The following SLC38A2 variants were observed in gnomAD, a reference collection of about 807,000 sequenced individuals.
The protein encoded by SLC38A2 is sodium-coupled neutral amino acid symporter 2.
In SLC38A2, 11 loss-of-function variants were observed where a neutral mutation model predicts 61.5. That is an observed-to-expected ratio of 0.18 (90% CI 0.11 to 0.30). The LOEUF (loss-of-function observed/expected upper bound fraction) is 0.30, where lower values mean the gene tolerates loss of function less well. SLC38A2 is among the 10% of genes least tolerant of loss of function. SLC38A2 has a pLI of 1.00. For synonymous variants in SLC38A2, 217 were observed against 212.5 expected (o/e 1.02, Z -0.18); for missense variants, 522 against 600.4 (o/e 0.87, Z 1.36).
At chr12:46,367,794 A>G (rs554954497) in intron 4 of SLC38A2, among the ~76,000 whole-genome samples, 5 of 152,336 alleles carry the variant, frequency 3.3e-5, no homozygotes, top group Non-Finnish European at 5.9e-5. Context: ...CAACTGAGAC[A>G]CGTTCAGGAA....
chr12:46,360,833 AAG>A lies in SLC38A2; in HGVS notation c.*276_*277del, dbSNP rs1243506665. On this transcript the variant is annotated 3_prime_UTR_variant, in exon 16 of 16. Coordinates refer to ENST00000256689, the MANE Select transcript of SLC38A2 (RefSeq NM_018976.5). ...CCAAGCATGTGGCTTGATAAAAGTT[AAG>A]AGTTTGTCCATTCTCTGGAATGGAA... is the stretch of plus-strand genomic sequence containing the variant. 8 of 365,500 alleles carry A rather than the reference AAG, an allele frequency of 2.2e-5. No individual in the cohort carries two copies. Among genetic ancestry groups the A allele is most frequent in the Non-Finnish European group, 3.9e-5 (8 of 203,606 alleles). 22.6% of individuals were successfully genotyped at this position (365,500 alleles called of 1,614,324 possible). A position where few individuals can be genotyped will look rare whatever the true frequency, so the allele number is the denominator to read the frequency against.
At position 46,372,652 on chromosome 12, in the gene SLC38A2, C is replaced by T. The variant is rs943519509; in HGVS notation, c.-230G>A. 14 of 398,520 alleles carry T rather than the reference C, an allele frequency of 3.5e-5. No individual in the cohort carries two copies. Among genetic ancestry groups the T allele is most frequent in the Middle Eastern group, 6.3e-4 (1 of 1,588 alleles). The allele number at this position is 398,520 out of a possible 1,614,324, so 24.7% of individuals were successfully genotyped here. On this transcript the variant is annotated 5_prime_UTR_variant, in exon 1 of 16. Transcript: ENST00000256689. ...TAATAAAAAAGGAAAAGACAAATTG[C>T]CGCCCCAATCCTCCGGCGTCCGCCG...
At chr12:46,363,449 G>C (rs2120533653) in intron 12 of SLC38A2, among the ~76,000 whole-genome samples, 1 of 152,156 alleles carries the variant, frequency 6.6e-6, no homozygotes, top group South Asian at 2.1e-4. Flanking sequence ...GGTGATGGGA[G>C]AGGAGACAGG....
rs367827855 is a variant in SLC38A2 at position 46,364,344 on chromosome 12, T to C, written c.873+45A>G. 4.9e-4 allele frequency: 737 copies of C among 1,517,122 alleles called. 5 individuals are homozygous for C. In the South Asian group the frequency reaches 9.5e-3, roughly 19 times the overall value. 94.0% of individuals were successfully genotyped at this position (1,517,122 alleles called of 1,614,324 possible). ...CTGGGAGTGAATAGCTTCCCTCTTT[T>C]CTTCCCTAAACTCTTCTTTTGAGAA... On this transcript the variant is annotated intron_variant, in intron 10 of 15. Coordinates refer to ENST00000256689, the MANE Select transcript of SLC38A2 (RefSeq NM_018976.5).
At chr12:46,361,646 G>A (rs1943082902) in intron 15 of SLC38A2, among the ~76,000 whole-genome samples, 1 of 152,230 alleles carries the variant, frequency 6.6e-6, no homozygotes, top group Non-Finnish European at 1.5e-5. Context: ...ATGTAATTTA[G>A]AGTAAAACAA....
At chr12:46,368,819 T>C (rs946398471) in intron 4 of SLC38A2, among the ~76,000 whole-genome samples, 1 of 152,228 alleles carries the variant, frequency 6.6e-6, no homozygotes, top group Admixed American at 6.5e-5. Context: ...CCATGTCTTA[T>C]ACTGAAATGA....
In SLC38A2 at chr12:46,361,076, T is replaced by A; in HGVS notation, c.*35A>T. ...TAGTTGAGTTTACTCAACACTGGCA[T>A]CAGATGGACTGAGTTTGAGTTTGAG... On this transcript the variant is annotated 3_prime_UTR_variant, in exon 16 of 16. Coordinates refer to ENST00000256689, the MANE Select transcript of SLC38A2 (RefSeq NM_018976.5). The A allele has an allele frequency of 6.6e-7, 1 of 1,516,544 alleles. No individual in the cohort carries two copies. Among genetic ancestry groups the A allele is most frequent in the Middle Eastern group, 1.7e-4 (1 of 5,864 alleles). The allele number at this position is 1,516,544 out of a possible 1,614,324, so 93.9% of individuals were successfully genotyped here.
Position 46,366,964 on chromosome 12 carries a change from A to G in SLC38A2, c.482-19T>C, listed in dbSNP as rs1165195313. 1.2e-5 allele frequency: 19 copies of G among 1,611,016 alleles called. No homozygotes were observed. Among genetic ancestry groups the G allele is most frequent in the Non-Finnish European group, 1.6e-5 (19 of 1,178,264 alleles). The stretch of plus-strand genomic sequence containing the variant: ...GACATAGCTGGAGGAAAACAAAATT[A>G]TACCATTACAAGTGCAAAACGCGGC... On this transcript the variant is annotated intron_variant, in intron 6 of 15. Coordinates refer to ENST00000256689, the MANE Select transcript of SLC38A2 (RefSeq NM_018976.5).
At chr12:46,371,933 C>G (rs1265431432) in intron 1 of SLC38A2, among the ~76,000 whole-genome samples, 1 of 152,188 alleles carries the variant, frequency 6.6e-6, no homozygotes, top group Non-Finnish European at 1.5e-5. Context: ...AACGCCCGGG[C>G]CCCGGGAGCT....
intron 3 of SLC38A2, 37 bp downstream of exon 3, chr12:46,370,739 A>C: frequency 6.4e-7 from 1 of 1,562,306 alleles, no homozygotes; most frequent in South Asian, 1.1e-5. Context: ...TTTACTCCAT[A>C]AAGCCACTGA....
Position 46,360,798 on chromosome 12 carries a change from A to G in SLC38A2, c.*313T>C, listed in dbSNP as rs904941970. ...AAATCATAAAATATCCAAGTTAAACAATGACACAGCCAAGCATGTGGCTTG... is the reference window on the plus strand; with the variant it reads ...AAATCATAAAATATCCAAGTTAAACGATGACACAGCCAAGCATGTGGCTTG... On this transcript the variant is annotated 3_prime_UTR_variant, in exon 16 of 16. Coordinates refer to ENST00000256689, the MANE Select transcript of SLC38A2 (RefSeq NM_018976.5). The G allele has an allele frequency of 3.6e-6, 1 of 280,878 alleles. No homozygotes were observed. Among genetic ancestry groups the G allele is most frequent in the Non-Finnish European group, 6.6e-6 (1 of 151,276 alleles). 17.4% of individuals were successfully genotyped at this position (280,878 alleles called of 1,614,324 possible). A position where few individuals can be genotyped will look rare whatever the true frequency, so the allele number is the denominator to read the frequency against.
chr12:46,363,075 G>T lies in SLC38A2; in HGVS notation c.1125C>A (p.Val375=). 1 of 1,613,094 alleles carries T rather than the reference G, an allele frequency of 6.2e-7. No individual in the cohort carries two copies. The highest frequency in any genetic ancestry group is 8.5e-7 in the Non-Finnish European group (1 of 1,179,276). The change falls in exon 13 of 16, where the codon GTC becomes GTA. Residue 375 remains valine, a synonymous_variant. Coordinates refer to ENST00000256689, the MANE Select transcript of SLC38A2 (RefSeq NM_018976.5). ...ILGTDILLLI[V]RLAVLMAVTL... The stretch of plus-strand genomic sequence containing the variant: ...TCACAGCCATTAACACAGCCAGACG[G>T]ACAATGAGAAGAAGAATATCAGTTC...
intron 7 of SLC38A2, 34 bp from the exon 8 acceptor site, chr12:46,365,223 C>T: frequency 6.6e-7 from 1 of 1,517,608 alleles, no homozygotes; most frequent in East Asian, 2.3e-5. Flanking sequence ...AAAACAGTCA[C>T]AAATATCCTC....
In SLC38A2 at chr12:46,367,354, G is replaced by C. The variant is rs753684784; in HGVS notation, c.315-14C>G. The C allele has an allele frequency of 5.8e-6, 8 of 1,384,862 alleles. No homozygotes were observed. In the East Asian group the frequency reaches 1.8e-4, roughly 32 times the overall value. The allele number at this position is 1,384,862 out of a possible 1,614,324, so 85.8% of individuals were successfully genotyped here. A position where few individuals can be genotyped will look rare whatever the true frequency, so the allele number is the denominator to read the frequency against. ...GTCAAGAGAATTCTGGTGAGAGAAGGAAAAGGCATAGGGTTATAAATAAGC... is the reference window on the plus strand; with the variant it reads ...GTCAAGAGAATTCTGGTGAGAGAAGCAAAAGGCATAGGGTTATAAATAAGC... On this transcript the variant is annotated splice_polypyrimidine_tract_variant and intron_variant, in intron 4 of 15. Transcript: ENST00000256689.
chr12:46,370,651 C>T, intron 3 of SLC38A2, 24 bp from the exon 4 acceptor site: 1 of 1,580,494 alleles, frequency 6.3e-7, no homozygotes, highest in Non-Finnish European at 8.7e-7. Flanking sequence ...AAACGATAAC[C>T]AAACATATAA....
chr12:46,365,415 G>A (rs1170153986), intron 7 of SLC38A2: 3 of 554,734 alleles, frequency 5.4e-6, no homozygotes, highest in African/African-American at 3.9e-5. Context: ...TGTAACTTTT[G>A]TCCCACTACT....
chr12:46,365,895 T>TA (rs1203126603), intron 7 of SLC38A2, among the ~76,000 whole-genome samples: 1 of 152,192 alleles, frequency 6.6e-6, no homozygotes, highest in African/African-American at 2.4e-5. Flanking sequence ...CACTGTCTTC[T>TA]AAATCACTAT....
At chr12:46,362,726 A>T in intron 13 of SLC38A2, 88 bp from the exon 14 acceptor site, 1 of 1,356,076 alleles carries the variant, frequency 7.4e-7, no homozygotes, top group Non-Finnish European at 9.8e-7. Flanking sequence ...AAGAATGCCC[A>T]AGTAACAAGG....
intron 10 of SLC38A2, 40 bp from the exon 11 acceptor site, chr12:46,364,043 G>T: frequency 1.3e-6 from 2 of 1,500,176 alleles, no homozygotes; most frequent in African/African-American, 1.4e-5. Flanking sequence ...CTGATGTAAC[G>T]AACTCATGCT....
Sources: gnomAD v4.1 joint callset for allele counts (sites outside exome capture counted in the v4.1 genomes callset) on GRCh38, gnomAD v4.1.1 for gene constraint, MANE v1.5 for transcripts, NCBI Gene and HGNC (gene_info 2026-07-23, HGNC 2026-07-21) for gene names.